Variants in TECTA observed in about 807,000 individuals in gnomAD.
TECTA encodes the protein alpha-tectorin.
In TECTA, 128 loss-of-function variants were observed where a neutral mutation model predicts 216.8. The observed-to-expected ratio is 0.59, with a 90% CI of 0.51 to 0.68. The LOEUF (loss-of-function observed/expected upper bound fraction) is 0.68. Ranked by LOEUF, TECTA falls within the 30% of genes least tolerant of loss-of-function variation. The pLI is 0.00. For missense variants in TECTA, 2,551 were observed against 2,786.2 expected (o/e 0.92, Z 1.90); for synonymous variants, 1,089 against 1,117.1 (o/e 0.97, Z 0.50).
At chr11:121,140,961 T>C (rs1312899903) in intron 11 of TECTA, 1 of 152,230 alleles carries the variant, frequency 6.6e-6, no homozygotes, top group Non-Finnish European at 1.5e-5. Context: ...GGACACAGTG[T>C]AACCCACAAT....
rs150462448 is a variant in TECTA, at chr11:121,129,678, C to G, written c.2408C>G (p.Ser803Trp). Residue 803 changes from serine to tryptophan, a missense_variant, in exon 10 of 24, where the codon TCG becomes TGG. Physicochemically the swap from Ser to Trp is radical, Grantham distance 177. Coordinates refer to ENST00000392793, the MANE Select transcript of TECTA (RefSeq NM_005422.4). ...QEVELPFFHP[S>W]GKLEIYRNKN... is the part of the protein sequence containing the mutation. ...GTGGAATTGCCTTTTTTCCATCCTT[C>G]GGGGAAGCTGGAAATTTATCGAAAC... 1 of 1,614,108 alleles carries G rather than the reference C, an allele frequency of 6.2e-7. No homozygotes were observed. Among genetic ancestry groups the G allele is most frequent in the Non-Finnish European group, 8.5e-7 (1 of 1,180,018 alleles).
intron 12 of TECTA, 25 bp from the exon 13 acceptor site, chr11:121,152,856 T>A: frequency 6.3e-7 from 1 of 1,585,574 alleles, no homozygotes; most frequent in Middle Eastern, 1.7e-4. Context: ...ATCGTGCGAG[T>A]CTTGACTTGT....
rs1360343779 is a variant in TECTA, at chr11:121,146,002, T to G, written c.3991T>G (p.Ser1331Ala). 1 of 1,614,096 alleles carries G rather than the reference T, an allele frequency of 6.2e-7. No homozygotes were observed. Among genetic ancestry groups the G allele is most frequent in the South Asian group, 1.1e-5 (1 of 91,094 alleles). Residue 1331 changes from serine to alanine, a missense_variant, in exon 12 of 24, where the codon TCT becomes GCT. Transcript: ENST00000392793. The stretch of plus-strand genomic sequence containing the variant: ...CTTCTATAAGAACTGCCTGTTTGAC[T>G]CTTGCATCGATGGGGGCGCGGTGCA... ...TFFYKNCLFD[S>A]CIDGGAVQTA...
chr11:121,157,479 G>C (rs537936834), intron 13 of TECTA, among the ~76,000 whole-genome samples: 1 of 152,238 alleles, frequency 6.6e-6, no homozygotes, highest in African/African-American at 2.4e-5. Context: ...TATAGTTCCA[G>C]CTACTAGGGA....
chr11:121,150,007 A>G (rs570669322), intron 12 of TECTA, among the ~76,000 whole-genome samples: 25 of 152,244 alleles, frequency 1.6e-4, no homozygotes, highest in Admixed American at 2.6e-4. Context: ...CATGTGAAAT[A>G]CTTAAAGAAC....
chr11:121,108,857 A>G (rs1946416854), intron 3 of TECTA, among the ~76,000 whole-genome samples: 1 of 152,046 alleles, frequency 6.6e-6, no homozygotes, highest in African/African-American at 2.4e-5. Context: ...CACACCCTTC[A>G]GTACACACAC....
chr11:121,119,205 C>T (rs1241128529), intron 7 of TECTA, among the ~76,000 whole-genome samples: 1 of 152,154 alleles, frequency 6.6e-6, no homozygotes, highest in Non-Finnish European at 1.5e-5. Context: ...TCTGTTTGCT[C>T]AAGAGCTGCT....
In TECTA at chr11:121,144,929, G is replaced by A. The variant is rs371694020; in HGVS notation, c.3544-626G>A. Reference sequence around the variant, plus strand: ...GTATGCAGGCTTGATCCTGGCCAGCGGTAGAGAGGAATACAAGAGAAGTAT... The same window carrying A: ...GTATGCAGGCTTGATCCTGGCCAGCAGTAGAGAGGAATACAAGAGAAGTAT... On this transcript the variant is annotated intron_variant, in intron 11 of 23. Coordinates refer to ENST00000392793, the MANE Select transcript of TECTA (RefSeq NM_005422.4). Among the ~76,000 whole-genome samples, 11 of 152,262 alleles carry A rather than the reference G, an allele frequency of 7.2e-5. 1 individual carries two copies. The East Asian group carries it at 9.6e-4, about 13-fold the overall frequency.
intron 12 of TECTA, among the ~76,000 whole-genome samples, chr11:121,150,733 C>T (rs1440566980): frequency 2.6e-5 from 4 of 151,292 alleles, no homozygotes; most frequent in Admixed American, 2.6e-4. Flanking sequence ...GCAACCACCG[C>T]CTCCTGGGTT....
At chr11:121,157,687 A>C (rs1946954905) in intron 13 of TECTA, among the ~76,000 whole-genome samples, 154 bp from the exon 14 acceptor site, 1 of 152,224 alleles carries the variant, frequency 6.6e-6, no homozygotes, top group African/African-American at 2.4e-5. Context: ...GGAGCATTTG[A>C]GTTGAGGCCG....
At chr11:121,120,256 C>T (rs1200784951) in intron 7 of TECTA, among the ~76,000 whole-genome samples, 2 of 152,164 alleles carry the variant, frequency 1.3e-5, no homozygotes, top group Non-Finnish European at 2.9e-5. Flanking sequence ...AAGCATAGGG[C>T]ATGGATTCCT....
intron 9 of TECTA, among the ~76,000 whole-genome samples, 166 bp from the exon 10 acceptor site, chr11:121,129,472 A>G (rs1946649048): frequency 6.6e-6 from 1 of 152,218 alleles, no homozygotes; most frequent in Admixed American, 6.5e-5. Flanking sequence ...AGAAATAAAT[A>G]AAGAAGCCCA....
intron 4 of TECTA, among the ~76,000 whole-genome samples, chr11:121,112,599 C>A (rs1454039642): frequency 6.6e-6 from 1 of 152,232 alleles, no homozygotes; most frequent in African/African-American, 2.4e-5. Flanking sequence ...TGTTGTTTTC[C>A]GGGAAGAGAG....
chr11:121,149,775 G>A (rs1366224804), intron 12 of TECTA, among the ~76,000 whole-genome samples: 1 of 152,214 alleles, frequency 6.6e-6, no homozygotes, highest in African/African-American at 2.4e-5. Context: ...CTTGACCACG[G>A]TACAAATCCA....
chr11:121,125,617 T>C lies in TECTA; in HGVS notation c.1519T>C (p.Cys507Arg). The change falls in exon 8 of 24, where the codon TGC becomes CGC. Residue 507 changes from cysteine to arginine, a missense_variant. By Grantham distance (180) the Cys-to-Arg change is radical (BLOSUM62 -3). Transcript: ENST00000392793. ...GTGCGACTCCGGCTGCGTCGACAAC[T>C]GCACCCAGTGCGACGCTGCCACTGA... ...WKCDSGCVDN[C>R]TQCDAATEAL... 6.2e-7 allele frequency: 1 copy of C among 1,613,460 alleles called. No individual in the cohort carries two copies. The highest frequency in any genetic ancestry group is 8.5e-7 in the Non-Finnish European group (1 of 1,179,508).
At chr11:121,166,941 G>C (rs1947060411) in intron 18 of TECTA, among the ~76,000 whole-genome samples, 161 bp downstream of exon 18, 1 of 152,248 alleles carries the variant, frequency 6.6e-6, no homozygotes, top group Non-Finnish European at 1.5e-5. Context: ...AGCAAGAGCA[G>C]TCATCATTTG....
At chr11:121,150,696 A>T (rs980915934) in intron 12 of TECTA, among the ~76,000 whole-genome samples, 11 of 132,762 alleles carry the variant, frequency 8.3e-5, no homozygotes, top group Admixed American at 1.7e-4. Context: ...ACCAGGCTGG[A>T]GTGCAGTGGC....
chr11:121,128,349 GGCTCCTT>G lies in TECTA; in HGVS notation c.2367+13_2367+19del, dbSNP rs756801789. ...ATCGGGGCTTCGGAAGTCAAGGTAA[GGCTCCTT>G]GCTCCTTTGGAGGGGTTCCTGGTAC... On this transcript the variant is annotated splice_donor_region_variant and intron_variant, in intron 9 of 23. Transcript: ENST00000392793. 23 of 1,599,304 alleles carry G rather than the reference GGCTCCTT, an allele frequency of 1.4e-5. No homozygotes were observed. In the East Asian group the frequency reaches 2.9e-4, roughly 20 times the overall value.
chr11:121,118,993 GCACACACACACACACACACA>G lies in TECTA; in HGVS notation c.1203+302_1203+321del, dbSNP rs3222344. Among the ~76,000 whole-genome samples, 790 of 56,006 alleles carry G rather than the reference GCACACACACACACACACACA, an allele frequency of 0.014. 7 individuals carry two copies. Among genetic ancestry groups the G allele is most frequent in the African/African-American group, 0.037 (730 of 19,516 alleles). 36.7% of individuals were successfully genotyped at this position (56,006 alleles called of 152,430 possible). A position where few individuals can be genotyped will look rare whatever the true frequency, so the allele number is the denominator to read the frequency against. ...CTAGTTCCCTCATAAACACTGATAG[GCACACACACACACACACACA>G]CACACACACACACACACACACACAC... is the stretch of plus-strand genomic sequence containing the variant. On this transcript the variant is annotated intron_variant, in intron 7 of 23. Coordinates refer to ENST00000392793, the MANE Select transcript of TECTA (RefSeq NM_005422.4).
Sources: gnomAD v4.1 joint callset for allele counts (sites outside exome capture counted in the v4.1 genomes callset) on GRCh38, gnomAD v4.1.1 for gene constraint, MANE v1.5 for transcripts, NCBI Gene and HGNC (gene_info 2026-07-23, HGNC 2026-07-21) for gene names.